PRKCH: variants seen among roughly 807,000 people sequenced by gnomAD.
The protein encoded by PRKCH is protein kinase C eta, also known as protein kinase C eta type.
PRKCH carries 28 observed loss-of-function variants against 82.5 expected under a neutral mutation model. The ratio of observed to expected loss-of-function variants is 0.34; its 90% CI spans 0.25 to 0.47. The LOEUF (loss-of-function observed/expected upper bound fraction) is 0.47. Ranked by LOEUF, PRKCH falls within the 20% of genes least tolerant of loss-of-function variation. The pLI is 1.00. For synonymous variants in PRKCH, 322 were observed against 327.4 expected (o/e 0.98, Z 0.18); for missense variants, 705 against 881.8 (o/e 0.80, Z 2.54).
chr14:61,247,717 C>G (rs1273887536), intron 1 of PRKCH, among the ~76,000 whole-genome samples: 1 of 104,508 alleles, frequency 9.6e-6, no homozygotes, highest in African/African-American at 3.8e-5. Flanking sequence ...GCTTGAGAGA[C>G]AGAGTGAGAC....
At chr14:61,480,893 A>G (rs1885941168) in intron 9 of PRKCH, among the ~76,000 whole-genome samples, 1 of 151,886 alleles carries the variant, frequency 6.6e-6, no homozygotes, top group Admixed American at 6.6e-5. Context: ...TTACACTTCA[A>G]CTGCACAGTC....
intron 4 of PRKCH, among the ~76,000 whole-genome samples, chr14:61,446,209 T>C (rs554683880): frequency 1.3e-5 from 2 of 151,808 alleles, no homozygotes; most frequent in Admixed American, 1.3e-4. Context: ...TGTTCAAAGT[T>C]AAGCTGTCAG....
chr14:61,347,227 G>A (rs985611759), intron 1 of PRKCH, among the ~76,000 whole-genome samples: 7 of 152,206 alleles, frequency 4.6e-5, no homozygotes, highest in South Asian at 2.1e-4. Flanking sequence ...AATATTGATT[G>A]AATTACTTTT....
chr14:61,441,209 A>G (rs1883952967), intron 2 of PRKCH, among the ~76,000 whole-genome samples: 2 of 152,112 alleles, frequency 1.3e-5, no homozygotes, highest in East Asian at 1.9e-4. Context: ...AAATAACTAC[A>G]TTTTTTTGAA....
chr14:61,451,550 T>C (rs1222942069), intron 6 of PRKCH, among the ~76,000 whole-genome samples: 1 of 152,184 alleles, frequency 6.6e-6, no homozygotes, highest in Admixed American at 6.5e-5. Flanking sequence ...AAGCCTTGAT[T>C]GTAAGCTTGC....
intron 1 of PRKCH, among the ~76,000 whole-genome samples, chr14:61,315,283 A>C (rs989137066): frequency 3.3e-5 from 5 of 152,052 alleles, no homozygotes; most frequent in African/African-American, 1.2e-4. Context: ...CAATCCTACT[A>C]TCCGTTAGAA....
At chr14:61,427,502 C>CA (rs1466694615) in intron 2 of PRKCH, among the ~76,000 whole-genome samples, 2 of 152,116 alleles carry the variant, frequency 1.3e-5, no homozygotes, top group African/African-American at 4.8e-5. Context: ...TTTTCCTCCA[C>CA]AAAAAGATGC....
At chr14:61,217,599 C>T (rs2044624762) in intron 1 of PRKCH, among the ~76,000 whole-genome samples, 1 of 152,146 alleles carries the variant, frequency 6.6e-6, no homozygotes, top group Admixed American at 6.5e-5. Flanking sequence ...CATAGGATCA[C>T]CTCAGCCTCA....
chr14:61,271,199 G>A (rs1451549657), intron 1 of PRKCH, among the ~76,000 whole-genome samples: 7 of 152,144 alleles, frequency 4.6e-5, no homozygotes, highest in East Asian at 3.9e-4. Context: ...CCTCCCTGCC[G>A]CCATTCACCC....
chr14:61,466,447 G>A (rs974346942), intron 9 of PRKCH, among the ~76,000 whole-genome samples: 7 of 152,076 alleles, frequency 4.6e-5, no homozygotes, highest in African/African-American at 1.4e-4. Context: ...CCCCATCCCC[G>A]GCTCGCAGGG....
In PRKCH at chr14:61,530,396, C is replaced by A. The variant is rs377593540; in HGVS notation, c.1573-11C>A. The A allele has an allele frequency of 5.1e-6, 8 of 1,565,546 alleles. No homozygotes were observed. The highest frequency in any genetic ancestry group is 2.4e-5 in the South Asian group (2 of 82,410). On this transcript the variant is annotated splice_polypyrimidine_tract_variant and intron_variant, in intron 11 of 13. Coordinates refer to ENST00000332981, the MANE Select transcript of PRKCH (RefSeq NM_006255.5). ...TATGAACCACCTTCTCACGCTGCCC[C>A]CTTTGCACAGATCCTCCAGGAAATG...
intron 2 of PRKCH, among the ~76,000 whole-genome samples, chr14:61,412,942 C>G (rs979849996): frequency 6.6e-6 from 1 of 152,154 alleles, no homozygotes; most frequent in Admixed American, 6.6e-5. Flanking sequence ...TCCATCCTCT[C>G]TGGCCTCTTA....
At chr14:61,430,431 G>T (rs970187246) in intron 2 of PRKCH, among the ~76,000 whole-genome samples, 7 of 152,286 alleles carry the variant, frequency 4.6e-5, no homozygotes, top group African/African-American at 1.7e-4. Context: ...CCACTACCTT[G>T]TTACCCAGCA....
At chr14:61,187,759 A>G (rs2044374327) in intron 1 of PRKCH, 1 of 152,226 alleles carries the variant, frequency 6.6e-6, no homozygotes, top group Non-Finnish European at 1.5e-5. Context: ...CAAATTAAGA[A>G]TGGAATGTGC....
intron 1 of PRKCH, among the ~76,000 whole-genome samples, chr14:61,195,661 C>G (rs527333293): frequency 3.7e-4 from 56 of 152,276 alleles, no homozygotes; most frequent in Non-Finnish European, 7.1e-4. Flanking sequence ...ACACCTTGGA[C>G]TGAATTTTAA....
Position 61,428,403 on chromosome 14 carries a change from T to G in PRKCH, c.428-14708T>G, listed in dbSNP as rs548495642. Among the ~76,000 whole-genome samples, 389 of 152,298 alleles carry G rather than the reference T, an allele frequency of 2.6e-3. 3 individuals are homozygous for G. The highest frequency in any genetic ancestry group is 9.1e-3 in the African/African-American group (380 of 41,544). ...GGGAGAGGATATAATGAGGCATGTC[T>G]GACTCCCTCTTTGCGTCATGGCTTT... is the stretch of plus-strand genomic sequence containing the variant. On this transcript the variant is annotated intron_variant, in intron 2 of 13. Coordinates refer to ENST00000332981, the MANE Select transcript of PRKCH (RefSeq NM_006255.5).
At chr14:61,403,650 A>G (rs1350947830) in intron 2 of PRKCH, among the ~76,000 whole-genome samples, 1 of 152,232 alleles carries the variant, frequency 6.6e-6, no homozygotes, top group Non-Finnish European at 1.5e-5. Context: ...GGCAGTCACG[A>G]TACTTCTGAA....
intron 1 of PRKCH, among the ~76,000 whole-genome samples, chr14:61,206,159 A>T (rs1360903885): frequency 6.6e-6 from 1 of 152,346 alleles, no homozygotes; most frequent in East Asian, 1.9e-4. Flanking sequence ...GTTTATTTCT[A>T]TAGCTGCTGT....
intron 1 of PRKCH, among the ~76,000 whole-genome samples, chr14:61,300,882 T>C (rs2045443054): frequency 2.0e-5 from 3 of 152,108 alleles, no homozygotes; most frequent in Admixed American, 2.0e-4. Context: ...ACTGGCAAGG[T>C]AGAAAATCCA....
Sources: allele counts gnomAD v4.1 joint callset (sites outside exome capture counted in the v4.1 genomes callset), GRCh38; gene constraint gnomAD v4.1.1; transcripts MANE v1.5; gene names NCBI Gene and HGNC (gene_info 2026-07-23, HGNC 2026-07-21).